PAWR: variants seen among roughly 807,000 people sequenced by gnomAD.
PAWR encodes PRKC apoptosis WT1 regulator protein.
PAWR carries 23 observed loss-of-function variants against 32.0 expected under a neutral mutation model. The ratio of observed to expected loss-of-function variants is 0.72; its 90% CI spans 0.52 to 1.02. The LOEUF is 1.02. PAWR is among the 50% of genes least tolerant of loss of function. The probability of loss-of-function intolerance (pLI) is 0.00; values close to 1 mark genes in which losing one functional copy is unlikely to be tolerated. For missense variants in PAWR, 457 were observed against 437.7 expected, an observed-to-expected ratio of 1.04 and a Z score of -0.39; for synonymous variants, 226 against 187.1, an observed-to-expected ratio of 1.21 and a Z score of -1.70.
chr12:79,632,266 T>C (rs1329631006), intron 2 of PAWR: 1 of 128,140 alleles, frequency 7.8e-6, no homozygotes, highest in Non-Finnish European at 1.6e-5. Context: ...TACAAAAGAA[T>C]GCACTAGAGT....
At chr12:79,639,758 C>T (rs1328464498) in intron 2 of PAWR, among the ~76,000 whole-genome samples, 1 of 149,980 alleles carries the variant, frequency 6.7e-6, no homozygotes, top group Non-Finnish European at 1.5e-5. Flanking sequence ...GTGGCTGGCA[C>T]ATACTGTATA....
At chr12:79,650,489 T>G (rs1003046714) in intron 2 of PAWR, among the ~76,000 whole-genome samples, 7 of 152,140 alleles carry the variant, frequency 4.6e-5, no homozygotes, top group African/African-American at 1.7e-4. Flanking sequence ...CTCAGTATAT[T>G]GGGCAAAACT....
At chr12:79,690,462 C>T (rs1878959767) in intron 1 of PAWR, 71 bp from the exon 2 acceptor site, 12 of 992,312 alleles carry the variant, frequency 1.2e-5, no homozygotes, top group Non-Finnish European at 1.5e-5. Context: ...GGTCTGCCCC[C>T]GGGCTGCGCC....
intron 2 of PAWR, among the ~76,000 whole-genome samples, chr12:79,623,580 G>A (rs1197158586): frequency 6.6e-6 from 1 of 151,874 alleles, no homozygotes; most frequent in African/African-American, 2.4e-5. Context: ...AAAATTTTTA[G>A]TAACAACCAT....
chr12:79,642,922 CA>C (rs752017667), intron 2 of PAWR, among the ~76,000 whole-genome samples: 1 of 152,106 alleles, frequency 6.6e-6, no homozygotes, highest in Non-Finnish European at 1.5e-5. Flanking sequence ...AAAGAAAAAA[CA>C]AAACCATACC....
chr12:79,687,307 T>C (rs1878728202), intron 2 of PAWR, among the ~76,000 whole-genome samples: 1 of 152,172 alleles, frequency 6.6e-6, no homozygotes, highest in African/African-American at 2.4e-5. Flanking sequence ...TCAGATACCT[T>C]TATAACAGTA....
In PAWR at chr12:79,690,037, T is replaced by C; in HGVS notation, c.208A>G (p.Asn70Asp). The C allele has an allele frequency of 7.4e-7, 1 of 1,345,364 alleles. No homozygotes were observed. Among genetic ancestry groups the C allele is most frequent in the South Asian group, 1.9e-5 (1 of 51,780 alleles). The allele number at this position is 1,345,364 out of a possible 1,614,324, so 83.3% of individuals were successfully genotyped here. ...TPAAAAANEL[N>D]NNLPGGAPAA... ...GGCGCGCCGCCCGGGAGGTTGTTGT[T>C]GAGCTCGTTGGCAGCGGCGGCCGCC... The change falls in exon 2 of 7, where the codon AAC becomes GAC. Residue 70 changes from asparagine to aspartate, a missense_variant. Coordinates refer to ENST00000328827, the MANE Select transcript of PAWR (RefSeq NM_002583.4).
rs112508716 is a variant in PAWR, at chr12:79,637,541, T to TA, written c.517-16335dup. On this transcript the variant is annotated intron_variant, in intron 2 of 6. Coordinates refer to ENST00000328827, the MANE Select transcript of PAWR (RefSeq NM_002583.4). ...AAACAACAACAACAACATTGAACAT[T>TA]AAAAAAAAAAAAAAAAGATAAATTG... Among the ~76,000 whole-genome samples the TA allele has an allele frequency of 2.8e-3, 374 of 132,848 alleles. 3 individuals are homozygous for TA. The highest frequency in any genetic ancestry group is 7.8e-3 in the Middle Eastern group (2 of 256). 87.2% of individuals were successfully genotyped at this position (132,848 alleles called of 152,430 possible).
At chr12:79,626,991 G>A (rs1188576375) in intron 2 of PAWR, among the ~76,000 whole-genome samples, 1 of 152,136 alleles carries the variant, frequency 6.6e-6, no homozygotes, top group African/African-American at 2.4e-5. Flanking sequence ...GTCTATCGTT[G>A]TTGGATATTT....
intron 2 of PAWR, among the ~76,000 whole-genome samples, chr12:79,645,067 C>CACACACACAA (rs999026869): frequency 3.3e-5 from 5 of 151,300 alleles, no homozygotes; most frequent in African/African-American, 9.7e-5. Context: ...CACACACACA[C>CACACACACAA]AAAAATCAAT....
intron 2 of PAWR, among the ~76,000 whole-genome samples, chr12:79,651,882 A>G (rs1263425943): frequency 6.6e-6 from 1 of 152,204 alleles, no homozygotes; most frequent in Admixed American, 6.5e-5. Context: ...CCAATGAATG[A>G]AGTGTTAGAT....
At position 79,592,440 on chromosome 12, in the gene PAWR, C is replaced by T; in HGVS notation, c.*167G>A. 6.1e-6 allele frequency: 3 copies of T among 494,796 alleles called. No individual in the cohort carries two copies. Among genetic ancestry groups the T allele is most frequent in the Non-Finnish European group, 1.1e-5 (3 of 285,674 alleles). 30.7% of individuals were successfully genotyped at this position (494,796 alleles called of 1,614,324 possible). ...TAAAAGGATAATGCTTTTTTAAAAC[C>T]AATAATGAAAAAGAAGTATTTTGAA... is the stretch of plus-strand genomic sequence containing the variant. On this transcript the variant is annotated 3_prime_UTR_variant, in exon 7 of 7. Coordinates refer to ENST00000328827, the MANE Select transcript of PAWR (RefSeq NM_002583.4).
rs11114206 is a variant in PAWR at position 79,653,583 on chromosome 12, G to A, written c.517-32376C>T. ...CAACCTCCACTGCCCAGGTTCAAGC[G>A]ATTCTCCTGCCTCAGCCTCCCGAGT... On this transcript the variant is annotated intron_variant, in intron 2 of 6. Transcript: ENST00000328827. 1.5e-3 allele frequency among the ~76,000 whole-genome samples: 232 copies of A among 152,226 alleles called. 5 individuals carry two copies. In the East Asian group the frequency reaches 0.041, roughly 27 times the overall value.
intron 1 of PAWR, 174 bp from the exon 2 acceptor site, chr12:79,690,565 G>C (rs2136909297): frequency 3.9e-6 from 1 of 254,752 alleles, no homozygotes; most frequent in East Asian, 7.6e-5. Flanking sequence ...CCTACAGTAC[G>C]GACCCCGACG....
At chr12:79,609,006 A>T (rs1357256849) in intron 4 of PAWR, among the ~76,000 whole-genome samples, 1 of 152,048 alleles carries the variant, frequency 6.6e-6, no homozygotes, top group Non-Finnish European at 1.5e-5. Flanking sequence ...GAGGTAAAGG[A>T]TACAATGAGC....
At chr12:79,649,132 T>C (rs959547628) in intron 2 of PAWR, among the ~76,000 whole-genome samples, 2 of 152,156 alleles carry the variant, frequency 1.3e-5, no homozygotes, top group Non-Finnish European at 2.9e-5. Context: ...CCTTGTTACA[T>C]AGGGCAAAGG....
intron 2 of PAWR, among the ~76,000 whole-genome samples, chr12:79,674,166 C>G (rs1170397092): frequency 6.6e-6 from 1 of 152,104 alleles, no homozygotes; most frequent in Admixed American, 6.5e-5. Context: ...GACAAGGCTA[C>G]AGTAACTAAA....
chr12:79,626,080 A>C (rs560797308), intron 2 of PAWR, among the ~76,000 whole-genome samples: 2 of 127,044 alleles, frequency 1.6e-5, no homozygotes, highest in Admixed American at 8.4e-5. Flanking sequence ...AGGAGAATGG[A>C]GTGAACCCGG....
chr12:79,588,486 G>A lies in PAWR; in HGVS notation c.*4121C>T, dbSNP rs746165052. The A allele has an allele frequency of 6.6e-6, 1 of 151,810 alleles. No homozygotes were observed. The highest frequency in any genetic ancestry group is 1.5e-5 in the Non-Finnish European group (1 of 67,846). 9.4% of individuals were successfully genotyped at this position (151,810 alleles called of 1,614,324 possible). The stretch of plus-strand genomic sequence containing the variant: ...TTCACTCCACCATTCAGTAAATGTT[G>A]TAGCAAATTAAATAGAACCTATTAA... On this transcript the variant is annotated 3_prime_UTR_variant, in exon 7 of 7. Coordinates refer to ENST00000328827, the MANE Select transcript of PAWR (RefSeq NM_002583.4).
Sources: gnomAD v4.1 joint callset for allele counts (sites outside exome capture counted in the v4.1 genomes callset) on GRCh38, gnomAD v4.1.1 for gene constraint, MANE v1.5 for transcripts, NCBI Gene and HGNC (gene_info 2026-07-23, HGNC 2026-07-21) for gene names.